Variants in NUP160 observed in about 807,000 individuals in gnomAD.
NUP160 encodes the protein nucleoporin 160, also known as nuclear pore complex protein Nup160.
NUP160 carries 94 observed loss-of-function variants against 196.9 expected under a neutral mutation model. That is an observed-to-expected ratio of 0.48 (90% CI 0.40 to 0.57). The LOEUF (loss-of-function observed/expected upper bound fraction) is 0.57, where lower values mean the gene tolerates loss of function less well. NUP160 is among the 20% of genes least tolerant of loss of function. NUP160 has a pLI of 0.00. For synonymous variants in NUP160, 605 were observed against 619.7 expected (o/e 0.98, Z 0.35); for missense variants, 1,638 against 1,748.3 (o/e 0.94, Z 1.13).
Position 47,801,650 on chromosome 11 carries a change from A to C in NUP160, c.2895+161T>G, listed in dbSNP as rs539410532. ...CAGTCATGAGCCACCGTGCCCGGCCATGTTTCTTTAATTTCTCTAGGCAAA... is the reference window on the plus strand; with the variant it reads ...CAGTCATGAGCCACCGTGCCCGGCCCTGTTTCTTTAATTTCTCTAGGCAAA... On this transcript the variant is annotated intron_variant, in intron 23 of 35. Transcript: ENST00000378460. Among the ~76,000 whole-genome samples, 8 of 152,262 alleles carry C rather than the reference A, an allele frequency of 5.3e-5. No homozygotes were observed. The South Asian group carries it at 1.5e-3, about 28-fold the overall frequency.
In NUP160 at chr11:47,813,426, A is replaced by C. The variant is rs768555391; in HGVS notation, c.1687-11T>G. The C allele has an allele frequency of 6.4e-7, 1 of 1,550,492 alleles. No homozygotes were observed. The highest frequency in any genetic ancestry group is 1.1e-5 in the South Asian group (1 of 88,840). On this transcript the variant is annotated splice_polypyrimidine_tract_variant and intron_variant, in intron 13 of 35. Coordinates refer to ENST00000378460, the Ensembl canonical transcript of NUP160. ...GAAAGACAGGTACCCCTGGAAATAC[A>C]AATTTTCCAGTTACATTTTTGTCAG... is the stretch of plus-strand genomic sequence containing the variant.
chr11:47,808,767 C>T (rs1031616586), intron 17 of NUP160, among the ~76,000 whole-genome samples: 2 of 151,996 alleles, frequency 1.3e-5, no homozygotes, highest in Non-Finnish European at 2.9e-5. Context: ...AAGAAACCAA[C>T]AATAAAAAGC....
chr11:47,809,521 G>A (rs2135372133), intron 17 of NUP160, among the ~76,000 whole-genome samples: 1 of 152,198 alleles, frequency 6.6e-6, no homozygotes, highest in South Asian at 2.1e-4. Context: ...GGCTGAGGCA[G>A]GCAGATCACT....
exon 23 of NUP160, chr11:47,801,865 A>G: frequency 1.2e-6 from 2 of 1,613,960 alleles, no homozygotes; most frequent in South Asian, 2.2e-5. Context: ...CCTCTGAGCG[A>G]ATCAAGCGAT....
chr11:47,846,599 T>C (rs1852406843), intron 2 of NUP160, among the ~76,000 whole-genome samples: 2 of 152,200 alleles, frequency 1.3e-5, no homozygotes, highest in Admixed American at 1.3e-4. Context: ...CAAAGGTATC[T>C]TGAATCCATC....
chr11:47,832,019 A>G (rs1468185865), intron 7 of NUP160, among the ~76,000 whole-genome samples: 1 of 147,850 alleles, frequency 6.8e-6, no homozygotes, highest in Non-Finnish European at 1.5e-5. Flanking sequence ...CTCCTGCCTC[A>G]GCCTCCTGAG....
intron 20 of NUP160, among the ~76,000 whole-genome samples, chr11:47,804,961 G>C (rs1296045165): frequency 1.3e-5 from 2 of 151,990 alleles, no homozygotes; most frequent in African/African-American, 4.8e-5. Context: ...ACACATAAGA[G>C]TCCTGTCTCT....
At chr11:47,778,539 G>GTCA (rs1254336966) in exon 36 of NUP160, 1 of 152,502 alleles carries the variant, frequency 6.6e-6, no homozygotes. Flanking sequence ...TAATTAGCTG[G>GTCA]TCATCATTTT....
At chr11:47,830,369 C>T (rs2135393223) in intron 7 of NUP160, among the ~76,000 whole-genome samples, 1 of 152,134 alleles carries the variant, frequency 6.6e-6, no homozygotes, top group East Asian at 1.9e-4. Flanking sequence ...GGTATATAAC[C>T]CAAAGGAATA....
At chr11:47,794,330 A>G (rs1030793078) in intron 27 of NUP160, among the ~76,000 whole-genome samples, 1 of 152,120 alleles carries the variant, frequency 6.6e-6, no homozygotes, top group Non-Finnish European at 1.5e-5. Flanking sequence ...CGTCTCTACT[A>G]AAAATACAAA....
At chr11:47,808,259 TGAGA>T in intron 18 of NUP160, 133 bp downstream of exon 18, 1 of 733,102 alleles carries the variant, frequency 1.4e-6, no homozygotes, top group Admixed American at 2.7e-5. Context: ...CCGGCCTGGG[TGAGA>T]GAGAGCGAGA....
chr11:47,802,857 C>T (rs1184719502), intron 22 of NUP160, among the ~76,000 whole-genome samples: 1 of 151,638 alleles, frequency 6.6e-6, no homozygotes, highest in African/African-American at 2.4e-5. Context: ...CGCCTGTAGC[C>T]TCCAAGTACC....
At chr11:47,825,016 T>C (rs1214127232) in intron 7 of NUP160, among the ~76,000 whole-genome samples, 1 of 152,074 alleles carries the variant, frequency 6.6e-6, no homozygotes, top group Non-Finnish European at 1.5e-5. Flanking sequence ...TTTGTATTTT[T>C]AGTAGAGACA....
chr11:47,797,317 G>A (rs2097671441), intron 27 of NUP160, among the ~76,000 whole-genome samples: 4 of 151,764 alleles, frequency 2.6e-5, no homozygotes, highest in South Asian at 2.1e-4. Flanking sequence ...TGTAACCTCC[G>A]CCCCCCGCCC....
intron 17 of NUP160, 26 bp downstream of exon 17, chr11:47,812,038 C>T (rs199518569): frequency 2.4e-5 from 38 of 1,612,170 alleles, no homozygotes; most frequent in Non-Finnish European, 5.1e-6. Flanking sequence ...TTAGATTTTA[C>T]AAGTTTTCCC....
chr11:47,844,225 C>G (rs919273465), intron 2 of NUP160, among the ~76,000 whole-genome samples: 1 of 152,142 alleles, frequency 6.6e-6, no homozygotes, highest in Non-Finnish European at 1.5e-5. Context: ...CACCAGCCTC[C>G]TAACTGGTCT....
At chr11:47,837,065 A>C (rs1430006619) in intron 5 of NUP160, 64 bp from the exon 6 acceptor site, 2 of 870,768 alleles carry the variant, frequency 2.3e-6, no homozygotes, top group Non-Finnish European at 3.7e-6. Flanking sequence ...TAGAATTTGC[A>C]ATTCAAGAAA....
chr11:47,811,335 CCT>C (rs943253094), intron 17 of NUP160, among the ~76,000 whole-genome samples: 16 of 151,856 alleles, frequency 1.1e-4, no homozygotes, highest in African/African-American at 3.6e-4. Flanking sequence ...ATGGTGAAAC[CCT>C]GTCTCTACTA....
intron 24 of NUP160, 47 bp downstream of exon 24, chr11:47,798,321 C>A (rs773040285): frequency 1.3e-6 from 2 of 1,535,862 alleles, no homozygotes; most frequent in Non-Finnish European, 1.8e-6. Context: ...CATACCACAC[C>A]CACAACAAAC....
Sources: allele counts gnomAD v4.1 joint callset (sites outside exome capture counted in the v4.1 genomes callset), GRCh38; gene constraint gnomAD v4.1.1; transcripts MANE v1.5; gene names NCBI Gene and HGNC (gene_info 2026-07-23, HGNC 2026-07-21).